SRPK2: variants seen among roughly 807,000 people sequenced by gnomAD.
The protein encoded by SRPK2 is SRSF protein kinase 2, also known as SFRS protein kinase 2.
A neutral mutation model predicts 90.8 loss-of-function variants in SRPK2; 21 were observed. The ratio of observed to expected loss-of-function variants is 0.23; its 90% CI spans 0.16 to 0.33. The LOEUF is 0.33. SRPK2 is among the 10% of genes least tolerant of loss of function. The pLI, the probability that SRPK2 is intolerant of heterozygous loss-of-function variation, is 1.00. For missense variants in SRPK2, 620 were observed against 869.0 expected (o/e 0.71, Z 3.60); for synonymous variants, 288 against 311.1 (o/e 0.93, Z 0.78).
At chr7:105,349,384 T>C (rs1367277761) in intron 2 of SRPK2, among the ~76,000 whole-genome samples, 2 of 151,426 alleles carry the variant, frequency 1.3e-5, no homozygotes, top group East Asian at 2.0e-4. Flanking sequence ...TAACTGGGCA[T>C]GGTGGCGCAT....
At chr7:105,244,819 C>A (rs1340846435) in intron 2 of SRPK2, 22 of 974,626 alleles carry the variant, frequency 2.3e-5, no homozygotes, top group Non-Finnish European at 3.2e-5. Context: ...ACAAGCAGCA[C>A]GCCAAGGAGT....
chr7:105,308,802 A>G (rs1811402843), intron 2 of SRPK2, among the ~76,000 whole-genome samples: 1 of 152,200 alleles, frequency 6.6e-6, no homozygotes, highest in Non-Finnish European at 1.5e-5. Context: ...TTTCATAATT[A>G]ACATAAGTAC....
At chr7:105,174,751 T>C (rs1791615937) in intron 3 of SRPK2, among the ~76,000 whole-genome samples, 1 of 152,214 alleles carries the variant, frequency 6.6e-6, no homozygotes, top group Admixed American at 6.5e-5. Flanking sequence ...TTACCATTTA[T>C]AGATCACTAC....
At chr7:105,350,446 A>G (rs1387036666) in intron 2 of SRPK2, among the ~76,000 whole-genome samples, 1 of 150,648 alleles carries the variant, frequency 6.6e-6, no homozygotes, top group Admixed American at 6.6e-5. Flanking sequence ...GCCTATCTTG[A>G]TACAGCTGGC....
chr7:105,354,018 GCCAGAACCTT>G (rs1280163496), intron 2 of SRPK2, among the ~76,000 whole-genome samples: 1 of 152,176 alleles, frequency 6.6e-6, no homozygotes, highest in Non-Finnish European at 1.5e-5. Flanking sequence ...CAGCGTTCAG[GCCAGAACCTT>G]CCAGGACCTT....
intron 11 of SRPK2, among the ~76,000 whole-genome samples, chr7:105,141,618 T>C (rs1803787955): frequency 6.6e-6 from 1 of 152,248 alleles, no homozygotes; most frequent in Non-Finnish European, 1.5e-5. Context: ...GAGGCATAAT[T>C]TTCTTGAATA....
chr7:105,150,437 AGG>A (rs1805470854), intron 7 of SRPK2, among the ~76,000 whole-genome samples: 2 of 152,240 alleles, frequency 1.3e-5, no homozygotes, highest in African/African-American at 4.8e-5. Context: ...CAAGAGGCTG[AGG>A]CACAAGGCGG....
At chr7:105,132,941 T>C (rs1341922524) in intron 12 of SRPK2, 43 bp from the exon 13 acceptor site, 2 of 1,612,230 alleles carry the variant, frequency 1.2e-6, no homozygotes, top group Non-Finnish European at 1.7e-6. Flanking sequence ...AACACAGACA[T>C]TCAAAAAGTG....
intron 2 of SRPK2, among the ~76,000 whole-genome samples, chr7:105,324,626 C>T (rs774433791): frequency 6.6e-6 from 1 of 152,210 alleles, no homozygotes; most frequent in African/African-American, 2.4e-5. Flanking sequence ...TCAATATCTG[C>T]TACCATCCCC....
chr7:105,257,060 C>G (rs192621779), intron 2 of SRPK2, among the ~76,000 whole-genome samples: 3 of 152,284 alleles, frequency 2.0e-5, no homozygotes, highest in African/African-American at 7.2e-5. Context: ...GCCAGCCACC[C>G]ACGAATGTGT....
intron 2 of SRPK2, among the ~76,000 whole-genome samples, chr7:105,287,058 G>A (rs1439477516): frequency 3.3e-5 from 5 of 150,796 alleles, no homozygotes; most frequent in Non-Finnish European, 5.9e-5. Context: ...TCAGGAGATC[G>A]AGACCATCCC....
chr7:105,115,453 A>C (rs2129570457), downstream of SRPK2: 1 of 152,290 alleles, frequency 6.6e-6, no homozygotes, highest in South Asian at 2.1e-4. Context: ...ATCTGCTATA[A>C]ACACATATGT....
chr7:105,233,775 G>A lies in SRPK2; in HGVS notation c.72-29990C>T, dbSNP rs147574466. On this transcript the variant is annotated intron_variant, in intron 2 of 15. Transcript: ENST00000393651. The stretch of plus-strand genomic sequence containing the variant: ...CTCAGGAGACTGAAGCAGGAGAATC[G>A]CTTGAACCTGGGACTCAGAGATTGC... Among the ~76,000 whole-genome samples the A allele has an allele frequency of 6.3e-3, 955 of 152,128 alleles. 9 individuals are homozygous for A. The highest frequency in any genetic ancestry group is 0.022 in the African/African-American group (923 of 41,478).
chr7:105,236,541 C>G (rs941203876), intron 2 of SRPK2, among the ~76,000 whole-genome samples: 3 of 151,968 alleles, frequency 2.0e-5, no homozygotes, highest in African/African-American at 7.2e-5. Flanking sequence ...AGGTTTTATT[C>G]CCGTTTTACA....
At chr7:105,285,091 G>A (rs1467517625) in intron 2 of SRPK2, among the ~76,000 whole-genome samples, 1 of 152,058 alleles carries the variant, frequency 6.6e-6, no homozygotes, top group African/African-American at 2.4e-5. Flanking sequence ...CAATCACACT[G>A]AAACAGTATT....
intron 2 of SRPK2, among the ~76,000 whole-genome samples, chr7:105,350,517 A>T (rs918656770): frequency 4.9e-5 from 7 of 141,776 alleles, no homozygotes; most frequent in Non-Finnish European, 9.0e-5. Flanking sequence ...TGTGGTTGCT[A>T]CAATTTTTTT....
At chr7:105,203,428 C>T (rs1008250504) in intron 3 of SRPK2, among the ~76,000 whole-genome samples, 200 bp downstream of exon 3, 6 of 152,288 alleles carry the variant, frequency 3.9e-5, no homozygotes, top group African/African-American at 1.4e-4. Flanking sequence ...ACAATTCTCT[C>T]TCATATCACT....
intron 7 of SRPK2, among the ~76,000 whole-genome samples, chr7:105,153,592 C>G (rs559908854): frequency 1.3e-5 from 2 of 152,218 alleles, no homozygotes; most frequent in African/African-American, 4.8e-5. Context: ...TGCAAAGCTT[C>G]CCCCAAAATT....
intron 7 of SRPK2, among the ~76,000 whole-genome samples, chr7:105,159,500 A>G (rs1287769014): frequency 6.6e-6 from 1 of 150,558 alleles, no homozygotes; most frequent in Non-Finnish European, 1.5e-5. Flanking sequence ...AGAGATGAAC[A>G]CACAGGCAGG....
Sources: allele counts gnomAD v4.1 joint callset (sites outside exome capture counted in the v4.1 genomes callset), GRCh38; gene constraint gnomAD v4.1.1; transcripts MANE v1.5; gene names NCBI Gene and HGNC (gene_info 2026-07-23, HGNC 2026-07-21).